The following CAND2 variants were observed in gnomAD, a reference collection of about 807,000 sequenced individuals.
CAND2 encodes the protein cullin associated and neddylation dissociated 2 (putative).
CAND2 carries 62 observed loss-of-function variants against 98.9 expected under a neutral mutation model. The ratio of observed to expected loss-of-function variants is 0.63; its 90% CI spans 0.51 to 0.77. The LOEUF (loss-of-function observed/expected upper bound fraction) is 0.77, where lower values mean the gene tolerates loss of function less well. Ranked by LOEUF, CAND2 falls within the 30% of genes least tolerant of loss-of-function variation. The pLI is 0.00. For synonymous variants in CAND2, 770 were observed against 731.9 expected (o/e 1.05, Z -0.84); for missense variants, 1,501 against 1,655.2 (o/e 0.91, Z 1.62).
Position 12,810,039 on chromosome 3 carries a change from T to G in CAND2, c.492-20T>G. Reference sequence around the variant, plus strand: ...TGCCCGCGGAGTGCGATCGGCCTGATGCCCCCTCGTGCTCCCCAGGCTGGG... The same window carrying G: ...TGCCCGCGGAGTGCGATCGGCCTGAGGCCCCCTCGTGCTCCCCAGGCTGGG... On this transcript the variant is annotated intron_variant, in intron 4 of 14. Coordinates refer to ENST00000456430, the MANE Select transcript of CAND2 (RefSeq NM_001162499.2). 1 of 1,395,538 alleles carries G rather than the reference T, an allele frequency of 7.2e-7. No individual in the cohort carries two copies. Among genetic ancestry groups the G allele is most frequent in the Non-Finnish European group, 9.3e-7 (1 of 1,076,666 alleles). The allele number at this position is 1,395,538 out of a possible 1,614,324, so 86.4% of individuals were successfully genotyped here.
intron 1 of CAND2, among the ~76,000 whole-genome samples, chr3:12,802,611 TTGCTAGTCTGCCACTATGTGGCAG>T (rs1484189610): frequency 6.6e-6 from 1 of 152,230 alleles, no homozygotes; most frequent in Non-Finnish European, 1.5e-5. Context: ...TGCTGAGCCG[TTGCTAGTCTGCCACTATGTGGCAG>T]TTGGTGTCAC....
Position 12,816,409 on chromosome 3 carries a change from TCCA to T in CAND2, c.1481_1483del (p.Thr494del). On this transcript the variant is annotated inframe_deletion, in exon 10 of 15. Transcript: ENST00000456430. ...CTCGCTGGCCGACCGCTCCAGCTCC[TCCA>T]CCATCCGGATGGATGCCCTGGCCTT... 1.2e-6 allele frequency: 2 copies of T among 1,613,554 alleles called. No homozygotes were observed. The highest frequency in any genetic ancestry group is 1.7e-6 in the Non-Finnish European group (2 of 1,179,874).
chr3:12,806,498 T>G (rs2061806748), intron 2 of CAND2, among the ~76,000 whole-genome samples: 1 of 152,102 alleles, frequency 6.6e-6, no homozygotes, highest in African/African-American at 2.4e-5. Context: ...ACCACTCAGG[T>G]AGGGCAGAGG....
In CAND2 at chr3:12,817,705, G is replaced by T. The variant is rs774791381; in HGVS notation, c.2773G>T (p.Ala925Ser). 6 of 1,596,328 alleles carry T rather than the reference G, an allele frequency of 3.8e-6. No individual in the cohort carries two copies. The highest frequency in any genetic ancestry group is 4.3e-6 in the Non-Finnish European group (5 of 1,170,956). ...CTCACTCAGGGAGGCCCTGGGGGCC[G>T]CCCAGCCTGACAGCCTGAAGCCCTA... The part of the protein sequence containing the change: ...LHSLREALGA[A>S]QPDSLKPYAE... The change falls in exon 10 of 15, where the codon GCC (alanine) becomes TCC (serine). Residue 925 changes from alanine (A) to serine (S), a missense_variant. By Grantham distance (99) the Ala-to-Ser change is moderately conservative. Transcript: ENST00000456430.
At position 12,825,456 on chromosome 3, in the gene CAND2, T is replaced by C. The variant is rs920424587; in HGVS notation, c.3041-14T>C. 3.9e-6 allele frequency: 6 copies of C among 1,548,618 alleles called. No individual in the cohort carries two copies. The Admixed American group carries it at 9.8e-5, about 25-fold the overall frequency. On this transcript the variant is annotated splice_polypyrimidine_tract_variant and intron_variant, in intron 11 of 14. Transcript: ENST00000456430. ...GGCTGTGCATCCCCCACGCCCCTCA[T>C]GTTCTTCTGCCAGGAGAGTTCATGG...
chr3:12,828,383 G>A (rs1350999285), intron 13 of CAND2, among the ~76,000 whole-genome samples: 6 of 146,634 alleles, frequency 4.1e-5, no homozygotes, highest in East Asian at 2.0e-4. Flanking sequence ...TGTCACTCAG[G>A]CTGGAGTGCA....
chr3:12,799,913 TAGG>T (rs10527218), intron 1 of CAND2, among the ~76,000 whole-genome samples: 24,818 of 151,996 alleles, frequency 0.16, 3,830 homozygotes, highest in African/African-American at 0.41. Flanking sequence ...GATGGGTGAA[TAGG>T]AGGAGCTCAA....
intron 1 of CAND2, among the ~76,000 whole-genome samples, chr3:12,801,477 G>A (rs1000872007): frequency 3.3e-5 from 5 of 152,174 alleles, no homozygotes; most frequent in South Asian, 2.1e-4. Context: ...TAATTTTGGC[G>A]GGAATGGTGC....
chr3:12,826,594 A>C (rs1467401699), intron 12 of CAND2, among the ~76,000 whole-genome samples: 1 of 151,790 alleles, frequency 6.6e-6, no homozygotes, highest in Non-Finnish European at 1.5e-5. Flanking sequence ...CACCTAGCTA[A>C]TATTTTGTAT....
intron 12 of CAND2, among the ~76,000 whole-genome samples, 200 bp from the exon 13 acceptor site, chr3:12,827,234 TATAAGA>T (rs537960644): frequency 4.6e-4 from 70 of 152,344 alleles, no homozygotes; most frequent in East Asian, 1.9e-3. Flanking sequence ...CTCAGTAGAT[TATAAGA>T]ATAATTGTTC....
intron 1 of CAND2, among the ~76,000 whole-genome samples, chr3:12,801,026 A>G (rs925693734): frequency 1.4e-5 from 2 of 140,396 alleles, no homozygotes; most frequent in Non-Finnish European, 3.1e-5. Context: ...CCCAGCCTGG[A>G]AATCAGTATT....
chr3:12,808,706 A>C (rs993994593), intron 4 of CAND2, among the ~76,000 whole-genome samples: 3 of 152,142 alleles, frequency 2.0e-5, no homozygotes, highest in African/African-American at 7.2e-5. Flanking sequence ...AGCTCAGAGG[A>C]GCCCCCAGTC....
intron 5 of CAND2, 46 bp from the exon 6 acceptor site, chr3:12,812,944 C>CGGGCTGG: frequency 7.9e-7 from 1 of 1,261,396 alleles, no homozygotes. Context: ...GGGGGAACTC[C>CGGGCTGG]GGGAGAGTGT....
chr3:12,806,799 C>CAA (rs375227896), intron 2 of CAND2, among the ~76,000 whole-genome samples: 274 of 152,352 alleles, frequency 1.8e-3, no homozygotes, highest in African/African-American at 6.4e-3. Flanking sequence ...ACATCCTGAA[C>CAA]AAGCTCCCGA....
At position 12,827,476 on chromosome 3, in the gene CAND2, G is replaced by T; in HGVS notation, c.3247G>T (p.Gly1083Trp). Reference sequence around the variant, plus strand: ...GCCCTTTAAACATACAGTGGACGATGGGCTGGACGTGCGGAAGGCGGCCTT... The same window carrying T: ...GCCCTTTAAACATACAGTGGACGATTGGCTGGACGTGCGGAAGGCGGCCTT... Reference protein sequence around the residue: ...MGPFKHTVDDGLDVRKAAFEC... With the variant: ...MGPFKHTVDDWLDVRKAAFEC... The change falls in exon 13 of 15, where the codon GGG becomes TGG. Residue 1083 changes from glycine (G) to tryptophan (W), a missense_variant. By Grantham distance (184) the Gly-to-Trp change is radical (BLOSUM62 -2). Coordinates refer to ENST00000456430, the MANE Select transcript of CAND2 (RefSeq NM_001162499.2). 6.2e-7 allele frequency: 1 copy of T among 1,614,056 alleles called. No individual in the cohort carries two copies. Among genetic ancestry groups the T allele is most frequent in the Non-Finnish European group, 8.5e-7 (1 of 1,179,962 alleles).
In CAND2 at chr3:12,815,762, C is replaced by A. The variant is rs2061893756; in HGVS notation, c.1300-105C>A. On this transcript the variant is annotated intron_variant, in intron 8 of 14. Transcript: ENST00000456430. This position sits in a 1 kb window ranked among gnomAD's most constrained non-coding sequence, Gnocchi z 5.7. ...CGAGTGCTTGGGAGATATCTTGATG[C>A]CGACATCCTCCCTGGGGATGTGTCT... The A allele has an allele frequency of 1.4e-5, 16 of 1,123,898 alleles. No homozygotes were observed. The South Asian group carries it at 2.4e-4, about 17-fold the overall frequency. The allele number at this position is 1,123,898 out of a possible 1,614,324, so 69.6% of individuals were successfully genotyped here.
chr3:12,812,651 G>A (rs913963494), intron 5 of CAND2, among the ~76,000 whole-genome samples: 1 of 152,002 alleles, frequency 6.6e-6, no homozygotes, highest in Non-Finnish European at 1.5e-5. Context: ...TGATCCACCC[G>A]CCTCGGCCTC....
intron 11 of CAND2, 62 bp downstream of exon 11, chr3:12,820,243 G>A (rs1429267295): frequency 7.6e-7 from 1 of 1,316,018 alleles, no homozygotes; most frequent in Non-Finnish European, 1.1e-6. Context: ...CTTGAGCTTG[G>A]GCTGATGTTT....
At chr3:12,813,501 C>G (rs1484288809) in intron 7 of CAND2, 113 bp downstream of exon 7, 1 of 1,037,860 alleles carries the variant, frequency 9.6e-7, no homozygotes, top group Non-Finnish European at 1.4e-6. Context: ...GATGCCAGCT[C>G]TTTCTCAAGC....
Sources: gnomAD v4.1 joint callset for allele counts (sites outside exome capture counted in the v4.1 genomes callset) on GRCh38, gnomAD v4.1.1 for gene constraint, Gnocchi (gnomAD v3.1) non-coding constraint, MANE v1.5 for transcripts, NCBI Gene and HGNC (gene_info 2026-07-23, HGNC 2026-07-21) for gene names.